The following KIF18A variants were observed in gnomAD, a reference collection of about 807,000 sequenced individuals.
KIF18A encodes the protein kinesin-like protein KIF18A.
A neutral mutation model predicts 103.3 loss-of-function variants in KIF18A; 67 were observed. The ratio of observed to expected loss-of-function variants is 0.65; its 90% CI spans 0.53 to 0.79. The LOEUF (loss-of-function observed/expected upper bound fraction) is 0.79, where lower values mean the gene tolerates loss of function less well. Among genes scored for constraint, KIF18A ranks in the 30% least tolerant of loss-of-function variants. The pLI is 0.00. For synonymous variants in KIF18A, 367 were observed against 355.5 expected (o/e 1.03, Z -0.36); for missense variants, 1,032 against 1,062.5 (o/e 0.97, Z 0.40).
In KIF18A at chr11:28,020,706, T is replaced by C. The variant is rs1031395351; in HGVS notation, c.*494A>G. 3 of 152,104 alleles carry C rather than the reference T, an allele frequency of 2.0e-5. No homozygotes were observed. Among genetic ancestry groups the C allele is most frequent in the African/African-American group, 7.2e-5 (3 of 41,446 alleles). The allele number at this position is 152,104 out of a possible 1,614,324, so 9.4% of individuals were successfully genotyped here. On this transcript the variant is annotated 3_prime_UTR_variant, in exon 17 of 17. Coordinates refer to ENST00000263181, the MANE Select transcript of KIF18A (RefSeq NM_031217.4). Reference sequence around the variant, plus strand: ...CTAAATAATATTTACAATGATTTTATGGGCACATATATTTACACTTGTACA... The same window carrying C: ...CTAAATAATATTTACAATGATTTTACGGGCACATATATTTACACTTGTACA...
intron 6 of KIF18A, 88 bp from the exon 7 acceptor site, chr11:28,084,896 A>G: frequency 1.0e-6 from 1 of 973,936 alleles, no homozygotes; most frequent in South Asian, 1.5e-5. Flanking sequence ...TGGGGGGAGG[A>G]TTACCTAGGT....
At chr11:28,038,844 A>T (rs555315437) in intron 13 of KIF18A, among the ~76,000 whole-genome samples, 1 of 151,774 alleles carries the variant, frequency 6.6e-6, no homozygotes, top group African/African-American at 2.4e-5. Flanking sequence ...ACATTTGTCA[A>T]ATTTTCCATT....
At chr11:28,078,034 G>A (rs1321245837) in intron 9 of KIF18A, among the ~76,000 whole-genome samples, 1 of 152,078 alleles carries the variant, frequency 6.6e-6, no homozygotes, top group East Asian at 1.9e-4. Context: ...TTAAGTCATA[G>A]ATCAGCTCTG....
chr11:28,050,853 C>T (rs1850703174), intron 13 of KIF18A, among the ~76,000 whole-genome samples: 1 of 151,726 alleles, frequency 6.6e-6, no homozygotes, highest in Non-Finnish European at 1.5e-5. Context: ...GTAAAGATTT[C>T]ACGTCAAATA....
chr11:28,049,155 ATAAAT>A (rs1046368627), intron 13 of KIF18A, among the ~76,000 whole-genome samples: 7 of 152,114 alleles, frequency 4.6e-5, no homozygotes, highest in African/African-American at 1.7e-4. Flanking sequence ...ATATTTTAAA[ATAAAT>A]TAAGAAACAT....
intron 13 of KIF18A, among the ~76,000 whole-genome samples, chr11:28,053,984 G>A (rs1429872151): frequency 6.6e-6 from 1 of 151,058 alleles, no homozygotes; most frequent in Non-Finnish European, 1.5e-5. Context: ...TCACTTGAAG[G>A]AGGAGAGTTA....
chr11:28,023,251 T>C (rs1453010179), intron 16 of KIF18A, among the ~76,000 whole-genome samples: 5 of 152,152 alleles, frequency 3.3e-5, no homozygotes, highest in African/African-American at 4.8e-5. Flanking sequence ...GATCCATCAG[T>C]ATCTTTTCCA....
intron 13 of KIF18A, among the ~76,000 whole-genome samples, chr11:28,049,292 T>C (rs1029970872): frequency 3.3e-5 from 5 of 152,026 alleles, no homozygotes; most frequent in South Asian, 2.1e-4. Context: ...ATTTCACAGA[T>C]GGTTCCTTTA....
intron 13 of KIF18A, among the ~76,000 whole-genome samples, chr11:28,042,477 A>G (rs940405480): frequency 4.6e-5 from 7 of 152,106 alleles, no homozygotes; most frequent in Admixed American, 2.0e-4. Flanking sequence ...TTGTTAGTAT[A>G]GCATTCAGTT....
In KIF18A at chr11:28,090,689, A is replaced by C. The variant is rs764189366; in HGVS notation, c.627T>G (p.Asn209Lys). The C allele has an allele frequency of 6.2e-7, 1 of 1,609,070 alleles. No homozygotes were observed. The highest frequency in any genetic ancestry group is 1.7e-5 in the Admixed American group (1 of 59,872). The change falls in exon 5 of 17, where the codon AAT becomes AAG. Residue 209 changes from asparagine (N) to lysine (K), a missense_variant. By Grantham distance (94) the Asn-to-Lys change is moderately conservative (BLOSUM62 0). Transcript: ENST00000263181. The stretch of plus-strand genomic sequence containing the variant: ...GATGTTGTGTCCTGTTTTTGTTTCC[A>C]TTATCCAATAAATGTAAAATTTCTT... ...SSEEILHLLD[N>K]GNKNRTQHPT...
At chr11:28,025,887 C>T (rs975940028) in intron 15 of KIF18A, among the ~76,000 whole-genome samples, 2 of 151,948 alleles carry the variant, frequency 1.3e-5, no homozygotes, top group Non-Finnish European at 2.9e-5. Context: ...ACCTCTTCTA[C>T]TATTTTATCT....
At chr11:28,043,453 T>C (rs1268010253) in intron 13 of KIF18A, among the ~76,000 whole-genome samples, 2 of 151,954 alleles carry the variant, frequency 1.3e-5, no homozygotes, top group East Asian at 3.9e-4. Context: ...AGAACTGGCA[T>C]ACAAACTCAG....
chr11:28,029,209 T>G (rs965809389), intron 15 of KIF18A, among the ~76,000 whole-genome samples: 9 of 152,062 alleles, frequency 5.9e-5, no homozygotes, highest in Middle Eastern at 3.2e-3. Flanking sequence ...TACCAAAGCC[T>G]GGCAGAGACA....
At chr11:28,070,188 C>A (rs896851111) in intron 10 of KIF18A, among the ~76,000 whole-genome samples, 6 of 151,946 alleles carry the variant, frequency 3.9e-5, no homozygotes, top group African/African-American at 1.5e-4. Context: ...TAAGCATTTG[C>A]AGCTGGTTCT....
intron 10 of KIF18A, among the ~76,000 whole-genome samples, chr11:28,074,508 G>C (rs1319848527): frequency 1.3e-5 from 2 of 151,956 alleles, no homozygotes; most frequent in Admixed American, 6.6e-5. Flanking sequence ...TTTCATTAAG[G>C]CATAAAAAGC....
intron 6 of KIF18A, among the ~76,000 whole-genome samples, chr11:28,086,767 T>C (rs951932263): frequency 6.6e-6 from 1 of 152,206 alleles, no homozygotes; most frequent in Non-Finnish European, 1.5e-5. Flanking sequence ...ACAAGACATA[T>C]ATTAAACATT....
chr11:28,030,936 C>T (rs1565069529), intron 15 of KIF18A, among the ~76,000 whole-genome samples: 4 of 151,546 alleles, frequency 2.6e-5, no homozygotes, highest in Non-Finnish European at 4.4e-5. Flanking sequence ...AAAAAATGCT[C>T]ATGATCACTG....
chr11:28,090,818 G>A, intron 4 of KIF18A, 91 bp from the exon 5 acceptor site: 3 of 665,126 alleles, frequency 4.5e-6, no homozygotes, highest in South Asian at 1.9e-5. Context: ...AAGATTTAAA[G>A]GTAAAAGAAA....
rs183443785 is a variant in KIF18A, at chr11:28,062,994, C to T, written c.1591-478G>A. On this transcript the variant is annotated intron_variant, in intron 11 of 16. Transcript: ENST00000263181. ...CACACCAGAACATATAGTTTACCAC[C>T]AGGACAGGCACCGAGTCAGGTTAGT... Among the ~76,000 whole-genome samples the T allele has an allele frequency of 3.5e-3, 534 of 152,048 alleles. 10 individuals are homozygous for T. Among genetic ancestry groups the T allele is most frequent in the Non-Finnish European group, 1.1e-3 (72 of 67,916 alleles).
Sources: allele counts gnomAD v4.1 joint callset (sites outside exome capture counted in the v4.1 genomes callset), GRCh38; gene constraint gnomAD v4.1.1; transcripts MANE v1.5; gene names NCBI Gene and HGNC (gene_info 2026-07-23, HGNC 2026-07-21).